CNKSR2: variants seen among roughly 807,000 people sequenced by gnomAD.
CNKSR2 encodes CNK homolog protein 2.
In CNKSR2, 14 loss-of-function variants were observed where a neutral mutation model predicts 84.4. The ratio of observed to expected loss-of-function variants is 0.17; its 90% CI spans 0.11 to 0.26. CNKSR2 has a LOEUF of 0.26. Among genes scored for constraint, CNKSR2 ranks in the 10% least tolerant of loss-of-function variants. CNKSR2 has a pLI of 1.00. For synonymous variants in CNKSR2, 275 were observed against 277.9 expected (o/e 0.99, Z 0.10); for missense variants, 485 against 771.2 (o/e 0.63, Z 4.40).
chrX:21,632,636 A>G (rs2092653027), intron 20 of CNKSR2, among the ~76,000 whole-genome samples: 2 of 112,015 alleles, frequency 1.8e-5, no homozygotes, highest in African/African-American at 6.5e-5. Flanking sequence ...ATTCCTAAAT[A>G]GTAGTTCACA....
At chrX:21,608,944 T>C in intron 19 of CNKSR2, 127 bp from the exon 20 acceptor site, 1 of 997,537 alleles carries the variant, frequency 1.0e-6, no homozygotes, top group Non-Finnish European at 1.3e-6. Context: ...CAAACTTGCC[T>C]AGTCATTAAC....
chrX:21,499,635 C>CT (rs893004498), intron 7 of CNKSR2, among the ~76,000 whole-genome samples: 33 of 110,186 alleles, frequency 3.0e-4, no homozygotes, highest in Admixed American at 5.8e-4. Flanking sequence ...TCTTTTGATT[C>CT]TTTTTTTTCT....
chrX:21,458,707 G>A (rs2091023509), intron 4 of CNKSR2, among the ~76,000 whole-genome samples: 1 of 110,714 alleles, frequency 9.0e-6, no homozygotes, highest in South Asian at 3.8e-4. Context: ...CGTCACCCGG[G>A]TATTAAGCCT....
intron 17 of CNKSR2, among the ~76,000 whole-genome samples, chrX:21,599,954 G>A (rs2092472304): frequency 9.0e-6 from 1 of 111,718 alleles, no homozygotes; most frequent in African/African-American, 3.3e-5. Flanking sequence ...GTGTGTGTGT[G>A]TGTCTATATA....
At position 21,595,038 on chromosome X, in the gene CNKSR2, G is replaced by A. The variant is rs750208984; in HGVS notation, c.1895G>A (p.Arg632His). The change falls in exon 16 of 22, where the codon CGC becomes CAC. Residue 632 changes from arginine (R) to histidine (H), a missense_variant. Coordinates refer to ENST00000379510, the MANE Select transcript of CNKSR2 (RefSeq NM_014927.5). ...EFKIDRASEC[R>H]KKYAFKACHP... ...AAAATTGATAGAGCCAGTGAATGCC[G>A]CAAAAAATAGTAAGTTGATTTTATT... is the stretch of plus-strand genomic sequence containing the variant. 2.5e-6 allele frequency: 3 copies of A among 1,178,200 alleles called. No individual in the cohort carries two copies. The highest frequency in any genetic ancestry group is 3.0e-5 in the East Asian group (1 of 33,463).
chrX:21,377,560 C>G (rs185287605), intron 1 of CNKSR2, among the ~76,000 whole-genome samples: 1 of 111,711 alleles, frequency 9.0e-6, no homozygotes, highest in Admixed American at 9.5e-5. Context: ...GAGGATGCTC[C>G]TAATGAGACA....
intron 13 of CNKSR2, among the ~76,000 whole-genome samples, chrX:21,587,773 C>A (rs1003195253): frequency 9.0e-6 from 1 of 111,526 alleles, no homozygotes; most frequent in Admixed American, 9.6e-5. Flanking sequence ...TGAACAGTTT[C>A]TAATATAAGT....
chrX:21,534,740 G>T (rs1385289245), intron 11 of CNKSR2, among the ~76,000 whole-genome samples: 1 of 110,945 alleles, frequency 9.0e-6, no homozygotes, highest in East Asian at 2.8e-4. Flanking sequence ...CTGCTTTCAC[G>T]CAATGTCTAT....
At chrX:21,526,139 G>GC (rs772857088) in intron 9 of CNKSR2, among the ~76,000 whole-genome samples, 2 of 109,315 alleles carry the variant, frequency 1.8e-5, no homozygotes, top group Admixed American at 2.0e-4. Flanking sequence ...TTAAATACAG[G>GC]CCTGAAAATG....
intron 10 of CNKSR2, among the ~76,000 whole-genome samples, 182 bp from the exon 11 acceptor site, chrX:21,531,674 A>T (rs1227046060): frequency 9.0e-6 from 1 of 111,106 alleles, no homozygotes; most frequent in Non-Finnish European, 1.9e-5. Context: ...CCTTTCTGAG[A>T]CTCACCATTT....
chrX:21,605,249 G>A (rs1013915769), intron 18 of CNKSR2, among the ~76,000 whole-genome samples: 1 of 111,490 alleles, frequency 9.0e-6, no homozygotes, highest in Non-Finnish European at 1.9e-5. Context: ...TCCGTTTCTG[G>A]GCAACTGTGC....
At chrX:21,376,663 A>G (rs893091425) in intron 1 of CNKSR2, among the ~76,000 whole-genome samples, 7 of 112,444 alleles carry the variant, frequency 6.2e-5, no homozygotes, top group African/African-American at 2.3e-4. Context: ...ACAGGAAGCA[A>G]CAATGCTTAA....
chrX:21,629,696 C>T (rs140333526), intron 20 of CNKSR2, among the ~76,000 whole-genome samples: 94 of 111,871 alleles, frequency 8.4e-4, no homozygotes, highest in Non-Finnish European at 1.6e-3. Flanking sequence ...TCCCACAACT[C>T]GTGGGAATTA....
intron 8 of CNKSR2, among the ~76,000 whole-genome samples, chrX:21,512,584 G>A (rs780813619): frequency 3.2e-4 from 36 of 111,019 alleles, no homozygotes; most frequent in Non-Finnish European, 6.6e-4. Flanking sequence ...CAGAAAGACA[G>A]GTTAGGATTC....
chrX:21,556,861 T>TA (rs2092144474), intron 11 of CNKSR2, among the ~76,000 whole-genome samples: 2 of 110,227 alleles, frequency 1.8e-5, no homozygotes, highest in South Asian at 7.8e-4. Flanking sequence ...AGTTACTTTT[T>TA]AAAAAACGAT....
At chrX:21,551,214 G>A (rs1240828116) in intron 11 of CNKSR2, among the ~76,000 whole-genome samples, 3 of 110,114 alleles carry the variant, frequency 2.7e-5, no homozygotes, top group Non-Finnish European at 3.8e-5. Context: ...GGGGCCTTTC[G>A]GGGGTTGGGG....
chrX:21,532,960 C>T (rs1317937622), intron 11 of CNKSR2, among the ~76,000 whole-genome samples: 1 of 110,938 alleles, frequency 9.0e-6, no homozygotes, highest in Non-Finnish European at 1.9e-5. Flanking sequence ...TCTGTCATGG[C>T]CATATGCCTC....
rs892057306 is a variant in CNKSR2, at chrX:21,424,219, T to G, written c.65-2278T>G. ...TATCCTGTAATCTTCTAAAGGAATA[T>G]TCTACATGCAAGGCCTTCACTTTCT... On this transcript the variant is annotated intron_variant, in intron 1 of 21. Transcript: ENST00000379510. The G allele has an allele frequency of 2.7e-5, 3 of 111,778 alleles. No individual in the cohort carries two copies. In the Admixed American group the frequency reaches 2.9e-4, roughly 11 times the overall value. The allele number at this position is 111,778 out of a possible 1,213,427, so 9.2% of individuals were successfully genotyped here.
chrX:21,528,003 A>C, intron 10 of CNKSR2, among the ~76,000 whole-genome samples: 1 of 110,812 alleles, frequency 9.0e-6, no homozygotes, highest in Non-Finnish European at 1.9e-5. Context: ...TTATCTGCAA[A>C]TACTGTGTTG....
Sources: allele counts gnomAD v4.1 joint callset (sites outside exome capture counted in the v4.1 genomes callset), GRCh38; gene constraint gnomAD v4.1.1; transcripts MANE v1.5; gene names NCBI Gene and HGNC (gene_info 2026-07-23, HGNC 2026-07-21).